CHD1: variants seen among roughly 807,000 people sequenced by gnomAD.
CHD1 encodes the protein chromodomain helicase DNA binding protein 1.
In CHD1, 36 loss-of-function variants were observed where a neutral mutation model predicts 224.2. That is an observed-to-expected ratio of 0.16 (90% CI 0.12 to 0.21). CHD1 has a LOEUF of 0.21. Among genes scored for constraint, CHD1 ranks in the 10% least tolerant of loss-of-function variants. The probability of loss-of-function intolerance (pLI) is 1.00; values close to 1 mark genes in which losing one functional copy is unlikely to be tolerated. For missense variants in CHD1, 1,378 were observed against 1,994.8 expected (o/e 0.69, Z 5.89); for synonymous variants, 668 against 658.3 (o/e 1.01, Z -0.23).
At chr5:98,915,022 A>G (rs1752648622) in intron 2 of CHD1, among the ~76,000 whole-genome samples, 1 of 152,196 alleles carries the variant, frequency 6.6e-6, no homozygotes, top group African/African-American at 2.4e-5. Flanking sequence ...CTAAACATTA[A>G]CAACAACAAC....
intron 1 of CHD1, among the ~76,000 whole-genome samples, chr5:98,927,612 A>G (rs1753560506): frequency 1.3e-5 from 2 of 152,194 alleles, no homozygotes; most frequent in South Asian, 2.1e-4. Context: ...TCTACTCAAC[A>G]TTTATTCCTA....
intron 8 of CHD1, 39 bp downstream of exon 8, chr5:98,899,441 G>T: frequency 1.6e-6 from 2 of 1,234,340 alleles, no homozygotes; most frequent in South Asian, 1.2e-5. Flanking sequence ...AGTAATCTTT[G>T]AACTATTAAA....
At chr5:98,911,688 T>C (rs993916315) in intron 2 of CHD1, among the ~76,000 whole-genome samples, 1 of 152,154 alleles carries the variant, frequency 6.6e-6, no homozygotes, top group Non-Finnish European at 1.5e-5. Context: ...AACACGGTTC[T>C]CCAGCCTGGT....
intron 17 of CHD1, among the ~76,000 whole-genome samples, chr5:98,887,108 C>T (rs150935): frequency 0.14 from 20,847 of 152,004 alleles, 1,806 homozygotes; most frequent in Middle Eastern, 0.27. Context: ...TAGTAAAAAC[C>T]ACTGAATTGT....
chr5:98,856,927 A>G (rs966638027), intron 35 of CHD1, among the ~76,000 whole-genome samples: 6 of 152,190 alleles, frequency 3.9e-5, no homozygotes, highest in Admixed American at 6.6e-5. Context: ...TCATAAAACT[A>G]AAGCGAACCA....
chr5:98,910,508 G>T (rs1752320474), intron 2 of CHD1, among the ~76,000 whole-genome samples: 1 of 152,004 alleles, frequency 6.6e-6, no homozygotes, highest in Non-Finnish European at 1.5e-5. Flanking sequence ...TATTTACTTG[G>T]ATCCAACTTC....
chr5:98,894,750 A>AT, intron 12 of CHD1, 64 bp from the exon 13 acceptor site: 1 of 668,070 alleles, frequency 1.5e-6, no homozygotes, highest in Non-Finnish European at 2.6e-6. Context: ...TTTTACTTAC[A>AT]TATCTAAAAA....
At position 98,863,441 on chromosome 5, in the gene CHD1, T is replaced by C; in HGVS notation, c.4394A>G (p.Tyr1465Cys). 2 of 1,586,260 alleles carry C rather than the reference T, an allele frequency of 1.3e-6. No individual in the cohort carries two copies. Among genetic ancestry groups the C allele is most frequent in the Non-Finnish European group, 1.7e-6 (2 of 1,167,440 alleles). Residue 1465 changes from tyrosine (Y) to cysteine (C), a missense_variant, in exon 32 of 36, where the codon TAT becomes TGT. Tyr to Cys is a radical substitution (Grantham distance 194). Around this residue, in one of 16 missense-constraint regions of CHD1, gnomAD observed 278 missense variants for 298.5 expected, o/e 0.93. Coordinates refer to ENST00000614616, the MANE Select transcript of CHD1 (RefSeq NM_001270.4). The part of the protein sequence containing the change: ...GDHITECLKE[Y>C]TNPEQIKQWR... ...TTGCTTAATTTGTTCAGGATTTGTA[T>C]ACTCTTTTAGACATTCTGTGATATG...
chr5:98,883,257 C>T lies in CHD1; in HGVS notation c.2569-20G>A. The T allele has an allele frequency of 6.5e-7, 1 of 1,535,760 alleles. No homozygotes were observed. Among genetic ancestry groups the T allele is most frequent in the Non-Finnish European group, 8.8e-7 (1 of 1,141,350 alleles). On this transcript the variant is annotated intron_variant, in intron 18 of 35. Coordinates refer to ENST00000614616, the MANE Select transcript of CHD1 (RefSeq NM_001270.4). ...AAAATCCTGTAAGAAATTGAATAAT[C>T]AAAATGAAAAATTTTTCAATTGATT...
At chr5:98,926,179 T>C (rs1160420942) in intron 2 of CHD1, among the ~76,000 whole-genome samples, 155 bp downstream of exon 2, 2 of 152,152 alleles carry the variant, frequency 1.3e-5, no homozygotes, top group African/African-American at 2.4e-5. Flanking sequence ...AAGGTTCGTA[T>C]ATCAGAATTT....
chr5:98,918,295 G>C (rs796910542), intron 2 of CHD1, among the ~76,000 whole-genome samples: 23 of 151,426 alleles, frequency 1.5e-4, no homozygotes, highest in African/African-American at 5.6e-4. Flanking sequence ...TCCTGACCTT[G>C]TGATCCACCC....
intron 31 of CHD1, among the ~76,000 whole-genome samples, chr5:98,863,856 G>A (rs1748656810): frequency 1.3e-5 from 2 of 152,008 alleles, no homozygotes. Flanking sequence ...TACAAAAATG[G>A]TTATTTTTTA....
rs760551966 is a variant in CHD1, at chr5:98,879,674, T to G, written c.3115A>C (p.Asn1039His). The G allele has an allele frequency of 1.2e-6, 2 of 1,609,120 alleles. No homozygotes were observed. Among genetic ancestry groups the G allele is most frequent in the Admixed American group, 3.4e-5 (2 of 59,290 alleles). The change falls in exon 23 of 36, where the codon AAT becomes CAT. Residue 1039 changes from asparagine (N) to histidine (H), a missense_variant. Coordinates refer to ENST00000614616, the MANE Select transcript of CHD1 (RefSeq NM_001270.4). The part of the protein sequence containing the change: ...EDDIELEPER[N>H]SKNWEEIIPE... ...ATAATTTCCTCCCAATTCTTTGAATTTCTTTCAGGTTCCAACTCAATGTCA... is the reference window on the plus strand; with the variant it reads ...ATAATTTCCTCCCAATTCTTTGAATGTCTTTCAGGTTCCAACTCAATGTCA...
chr5:98,892,731 T>C lies in CHD1; in HGVS notation c.1992-18A>G, dbSNP rs1413781772. The C allele has an allele frequency of 1.3e-6, 2 of 1,533,044 alleles. No individual in the cohort carries two copies. The highest frequency in any genetic ancestry group is 1.8e-6 in the Non-Finnish European group (2 of 1,130,002). The allele number at this position is 1,533,044 out of a possible 1,614,324, so 95.0% of individuals were successfully genotyped here. A position where few individuals can be genotyped will look rare whatever the true frequency, so the allele number is the denominator to read the frequency against. ...AAGAAAACCTTTAAAATTTAAGAAATTGGAACAATTACTAGAAAAAATCAA... is the reference window on the plus strand; with the variant it reads ...AAGAAAACCTTTAAAATTTAAGAAACTGGAACAATTACTAGAAAAAATCAA... On this transcript the variant is annotated intron_variant, in intron 14 of 35. Coordinates refer to ENST00000614616, the MANE Select transcript of CHD1 (RefSeq NM_001270.4).
rs115279292 is a variant in CHD1, at chr5:98,926,108, T to C, written c.53+226A>G. Among the ~76,000 whole-genome samples the C allele has an allele frequency of 9.2e-3, 1,404 of 152,236 alleles. 16 individuals are homozygous for C. The highest frequency in any genetic ancestry group is 0.026 in the South Asian group (124 of 4,828). On this transcript the variant is annotated intron_variant, in intron 2 of 35. Transcript: ENST00000614616. ...TAGATTTAAGTAAACAAAAACTTTC[T>C]ATATTTAAGATCTACTGTGTATCTG...
rs11295695 is a variant in CHD1 at position 98,881,252 on chromosome 5, CTTTTTTTTTTTTTT to C, written c.2964+13_2964+26del. On this transcript the variant is annotated intron_variant, in intron 21 of 35. Coordinates refer to ENST00000614616, the MANE Select transcript of CHD1 (RefSeq NM_001270.4). ...ATATGACACATATTCTGAGGCAGGC[CTTTTTTTTTTTTTT>C]TTTTTTTTTTACCTGGGGCTCTTGT... is the stretch of plus-strand genomic sequence containing the variant. 5.9e-6 allele frequency: 4 copies of C among 674,850 alleles called. No individual in the cohort carries two copies. Among genetic ancestry groups the C allele is most frequent in the East Asian group, 3.4e-5 (1 of 29,162 alleles). 41.8% of individuals were successfully genotyped at this position (674,850 alleles called of 1,614,324 possible).
intron 35 of CHD1, 38 bp downstream of exon 35, chr5:98,858,142 T>G: frequency 6.4e-7 from 1 of 1,552,230 alleles, no homozygotes; most frequent in African/African-American, 1.4e-5. Flanking sequence ...GAGAAAAACA[T>G]GCATAAGCAA....
intron 4 of CHD1, among the ~76,000 whole-genome samples, chr5:98,903,502 G>A (rs1427937509): frequency 6.6e-6 from 1 of 151,506 alleles, no homozygotes; most frequent in Non-Finnish European, 1.5e-5. Context: ...GCGTGTAGGT[G>A]CATATCACAT....
intron 8 of CHD1, 139 bp from the exon 9 acceptor site, chr5:98,898,903 C>G: frequency 1.6e-6 from 1 of 619,486 alleles, no homozygotes; most frequent in Non-Finnish European, 2.9e-6. Context: ...TAAAGAAACT[C>G]AAACAGGAAT....
Sources: gnomAD v4.1 joint callset for allele counts (sites outside exome capture counted in the v4.1 genomes callset) on GRCh38, gnomAD v4.1.1 for gene constraint, gnomAD v4.1.1 regional missense constraint, MANE v1.5 for transcripts, NCBI Gene and HGNC (gene_info 2026-07-23, HGNC 2026-07-21) for gene names.